Variants in RSRC1 observed in about 807,000 individuals in gnomAD.
The protein encoded by RSRC1 is arginine and serine rich coiled-coil 1.
A neutral mutation model predicts 49.1 loss-of-function variants in RSRC1; 39 were observed. The observed-to-expected ratio is 0.79, with a 90% CI of 0.61 to 1.04. The LOEUF (loss-of-function observed/expected upper bound fraction) is 1.04, where lower values mean the gene tolerates loss of function less well. RSRC1 is among the 50% of genes least tolerant of loss of function. The pLI is 0.00. For missense variants in RSRC1, 388 were observed against 402.4 expected, an observed-to-expected ratio of 0.96 and a Z score of 0.31; for synonymous variants, 143 against 130.8, an observed-to-expected ratio of 1.09 and a Z score of -0.63.
At chr3:158,272,155 G>GGGATTTCTTTC (rs1307384116) in intron 4 of RSRC1, among the ~76,000 whole-genome samples, 2 of 152,050 alleles carry the variant, frequency 1.3e-5, no homozygotes, top group Non-Finnish European at 2.9e-5. Flanking sequence ...TGCCCATAAA[G>GGGATTTCTTTC]GGATTTCTTT....
At chr3:158,522,226 A>G (rs1711716587) in intron 7 of RSRC1, among the ~76,000 whole-genome samples, 1 of 152,176 alleles carries the variant, frequency 6.6e-6, no homozygotes. Context: ...ATAAGCAGCA[A>G]TAAATAATAA....
chr3:158,492,491 C>T (rs1324670997), intron 7 of RSRC1, among the ~76,000 whole-genome samples: 1 of 152,172 alleles, frequency 6.6e-6, no homozygotes, highest in Non-Finnish European at 1.5e-5. Flanking sequence ...TGGATAGCTG[C>T]AGATGATATA....
chr3:158,144,403 C>G (rs887804425), intron 3 of RSRC1, among the ~76,000 whole-genome samples: 2 of 151,770 alleles, frequency 1.3e-5, no homozygotes, highest in Non-Finnish European at 2.9e-5. Context: ...TTTGTCCTTG[C>G]GATAGTTTGC....
chr3:158,224,894 C>A (rs1216250512), intron 4 of RSRC1, among the ~76,000 whole-genome samples: 1 of 151,746 alleles, frequency 6.6e-6, no homozygotes, highest in African/African-American at 2.4e-5. Flanking sequence ...TGAAAAAGAA[C>A]AAAGGATATT....
intron 1 of RSRC1, among the ~76,000 whole-genome samples, chr3:158,113,160 A>T (rs1714526972): frequency 6.6e-6 from 1 of 152,142 alleles, no homozygotes; most frequent in South Asian, 2.1e-4. Context: ...ATATATACCC[A>T]GTAATGGGAT....
intron 3 of RSRC1, among the ~76,000 whole-genome samples, chr3:158,197,097 T>C (rs1427881787): frequency 6.6e-6 from 1 of 152,198 alleles, no homozygotes; most frequent in African/African-American, 2.4e-5. Context: ...TCCTTGTACC[T>C]CTGGTAGAAT....
intron 7 of RSRC1, among the ~76,000 whole-genome samples, chr3:158,465,738 C>G (rs1737854843): frequency 6.6e-6 from 1 of 152,048 alleles, no homozygotes; most frequent in South Asian, 2.1e-4. Context: ...TAAAATGTCC[C>G]TTTAAGAAAT....
At chr3:158,406,671 A>G (rs969414277) in intron 6 of RSRC1, among the ~76,000 whole-genome samples, 1 of 152,112 alleles carries the variant, frequency 6.6e-6, no homozygotes, top group Non-Finnish European at 1.5e-5. Context: ...AGAGCGTGAC[A>G]CCTGCCAGGG....
chr3:158,179,555 A>G lies in RSRC1; in HGVS notation c.321-23517A>G, dbSNP rs536731028. On this transcript the variant is annotated intron_variant, in intron 3 of 9. Transcript: ENST00000611884. ...ACCATAACCCCCTGGAGATTTATCT[A>G]TGTTGTTGTGTATATCAGTAACTTG... Among the ~76,000 whole-genome samples, 34 of 152,220 alleles carry G rather than the reference A, an allele frequency of 2.2e-4. No homozygotes were observed. The East Asian group carries it at 2.5e-3, about 11-fold the overall frequency.
At chr3:158,468,390 T>G (rs1470773440) in intron 7 of RSRC1, among the ~76,000 whole-genome samples, 1 of 152,224 alleles carries the variant, frequency 6.6e-6, no homozygotes, top group African/African-American at 2.4e-5. Context: ...TTTAGCAGCA[T>G]TATCTTGATT....
At chr3:158,324,397 G>A (rs1190481249) in intron 5 of RSRC1, among the ~76,000 whole-genome samples, 1 of 151,902 alleles carries the variant, frequency 6.6e-6, no homozygotes, top group African/African-American at 2.4e-5. Context: ...CTCACCCCAC[G>A]ACAGGCCCCG....
chr3:158,454,305 G>A (rs1578499639), intron 6 of RSRC1, among the ~76,000 whole-genome samples: 1 of 152,008 alleles, frequency 6.6e-6, no homozygotes, highest in Non-Finnish European at 1.5e-5. Flanking sequence ...TCTGTAAAAT[G>A]GGGGTAATAA....
intron 3 of RSRC1, among the ~76,000 whole-genome samples, chr3:158,161,004 A>G (rs1718183017): frequency 6.6e-6 from 1 of 152,154 alleles, no homozygotes; most frequent in African/African-American, 2.4e-5. Flanking sequence ...TCTTGTGCTT[A>G]TTCACTGTTG....
chr3:158,232,909 T>G (rs952205430), intron 4 of RSRC1, among the ~76,000 whole-genome samples: 3 of 152,178 alleles, frequency 2.0e-5, no homozygotes, highest in African/African-American at 7.2e-5. Flanking sequence ...TTAAATGTTT[T>G]GGTTGTCCTT....
At chr3:158,227,550 G>A (rs909754344) in intron 4 of RSRC1, among the ~76,000 whole-genome samples, 2 of 151,976 alleles carry the variant, frequency 1.3e-5, no homozygotes, top group African/African-American at 4.8e-5. Context: ...TAAAAGAAGA[G>A]CCTTGGTGGT....
At chr3:158,247,783 G>A (rs922625861) in intron 4 of RSRC1, among the ~76,000 whole-genome samples, 6 of 152,198 alleles carry the variant, frequency 3.9e-5, no homozygotes, top group African/African-American at 1.4e-4. Flanking sequence ...CTCCATCCTA[G>A]GGCGGCACTG....
intron 1 of RSRC1, among the ~76,000 whole-genome samples, chr3:158,120,955 G>A (rs573486869): frequency 6.6e-6 from 1 of 151,340 alleles, no homozygotes; most frequent in Non-Finnish European, 1.5e-5. Flanking sequence ...CTTCTTGTCA[G>A]CAAAGTTAAT....
At position 158,357,501 on chromosome 3, in the gene RSRC1, AT is replaced by A. The variant is rs373248602; in HGVS notation, c.583+2594del. On this transcript the variant is annotated intron_variant, in intron 6 of 9. Coordinates refer to ENST00000611884, the MANE Select transcript of RSRC1 (RefSeq NM_001271838.2). The stretch of plus-strand genomic sequence containing the variant: ...ATAACATATTACACCTTTTTGAAAA[AT>A]ATCCAGTATTGTTTTTAATGAGAAC... Among the ~76,000 whole-genome samples, 93 of 152,266 alleles carry A rather than the reference AT, an allele frequency of 6.1e-4. No homozygotes were observed. The East Asian group carries it at 0.017, about 28-fold the overall frequency.
chr3:158,421,651 A>G (rs1222611914), intron 6 of RSRC1, among the ~76,000 whole-genome samples: 1 of 151,898 alleles, frequency 6.6e-6, no homozygotes, highest in African/African-American at 2.4e-5. Flanking sequence ...AGAATTTGAG[A>G]TAATAGAATA....
Sources: gnomAD v4.1 joint callset for allele counts (sites outside exome capture counted in the v4.1 genomes callset) on GRCh38, gnomAD v4.1.1 for gene constraint, MANE v1.5 for transcripts, NCBI Gene and HGNC (gene_info 2026-07-23, HGNC 2026-07-21) for gene names.